The following MRPS5 variants were observed in gnomAD, a reference collection of about 807,000 sequenced individuals.
MRPS5 encodes small ribosomal subunit protein uS5m.
Under a neutral mutation model 51.9 loss-of-function variants are expected in MRPS5, and 27 were observed. That is an observed-to-expected ratio of 0.52 (90% CI 0.38 to 0.72). The LOEUF (loss-of-function observed/expected upper bound fraction) is 0.72, where lower values mean the gene tolerates loss of function less well. MRPS5 is among the 30% of genes least tolerant of loss of function. The pLI, the probability that MRPS5 is intolerant of heterozygous loss-of-function variation, is 0.00. For synonymous variants in MRPS5, 196 were observed against 193.2 expected, an observed-to-expected ratio of 1.01 and a Z score of -0.12; for missense variants, 570 against 545.7, an observed-to-expected ratio of 1.04 and a Z score of -0.44.
At chr2:95,114,561 G>C (rs1205079159) in intron 3 of MRPS5, among the ~76,000 whole-genome samples, 1 of 152,112 alleles carries the variant, frequency 6.6e-6, no homozygotes, top group Non-Finnish European at 1.5e-5. Context: ...ATGAGCCACC[G>C]CGCCCGGCCA....
chr2:95,104,406 T>C, intron 7 of MRPS5: 1 of 544,294 alleles, frequency 1.8e-6, no homozygotes, highest in Non-Finnish European at 3.3e-6. Context: ...TTCAGCCTTT[T>C]ATAATATTCC....
chr2:95,110,186 C>CAGA, intron 3 of MRPS5, 145 bp from the exon 4 acceptor site: 1 of 937,666 alleles, frequency 1.1e-6, no homozygotes, highest in Non-Finnish European at 1.6e-6. Flanking sequence ...ATTAAATCAT[C>CAGA]CTTTGCACAC....
chr2:95,085,836 G>A lies in MRPS5; in HGVS notation c.*1521C>T, dbSNP rs1441261858. Among the ~76,000 whole-genome samples, 3 of 151,996 alleles carry A rather than the reference G, an allele frequency of 2.0e-5. No homozygotes were observed. Among genetic ancestry groups the A allele is most frequent in the Non-Finnish European group, 4.4e-5 (3 of 68,014 alleles). Reference sequence around the variant, plus strand: ...AAGTCACTCATCATAACAAGAACTAGGACATTGTAAACTTGAATGAGAAAA... The same window carrying A: ...AAGTCACTCATCATAACAAGAACTAAGACATTGTAAACTTGAATGAGAAAA... On this transcript the variant is annotated 3_prime_UTR_variant, in exon 12 of 12. Transcript: ENST00000272418.
intron 9 of MRPS5, 26 bp downstream of exon 9, chr2:95,100,808 TAAA>T (rs373760483): frequency 3.0e-5 from 38 of 1,247,210 alleles, no homozygotes; most frequent in Admixed American, 1.4e-4. Context: ...TCCTGCAAAT[TAAA>T]AAAAAAAAAA....
In MRPS5 at chr2:95,108,363, T is replaced by A; in HGVS notation, c.449A>T (p.Lys150Ile). ...GGCAATGGTCTGCACTGCTCCATTTTTCATAAGAGGGACATTCAGTCCGGG... is the reference window on the plus strand; with the variant it reads ...GGCAATGGTCTGCACTGCTCCATTTATCATAAGAGGGACATTCAGTCCGGG... The part of the protein sequence containing the change: ...LWPGLNVPLM[K>I]NGAVQTIAQR... The change falls in exon 5 of 12, where the codon AAA becomes ATA. Residue 150 changes from lysine to isoleucine, a missense_variant. By Grantham distance (102) the Lys-to-Ile change is moderately radical. Transcript: ENST00000272418. 1 of 1,614,198 alleles carries A rather than the reference T, an allele frequency of 6.2e-7. No individual in the cohort carries two copies. Among genetic ancestry groups the A allele is most frequent in the South Asian group, 1.1e-5 (1 of 91,080 alleles).
At chr2:95,116,787 A>C (rs1676295998) in intron 2 of MRPS5, among the ~76,000 whole-genome samples, 1 of 152,242 alleles carries the variant, frequency 6.6e-6, no homozygotes, top group Non-Finnish European at 1.5e-5. Flanking sequence ...ACTTGAGGTC[A>C]GGAGTTTGAG....
intron 7 of MRPS5, chr2:95,101,977 G>A: frequency 2.5e-6 from 1 of 400,244 alleles, no homozygotes; most frequent in Non-Finnish European, 4.5e-6. Context: ...AACACAGCAA[G>A]ACTCTGTCTC....
At chr2:95,111,117 G>GTCT (rs1265070388) in intron 3 of MRPS5, among the ~76,000 whole-genome samples, 1 of 152,130 alleles carries the variant, frequency 6.6e-6, no homozygotes, top group African/African-American at 2.4e-5. Flanking sequence ...TACACAGCTG[G>GTCT]TCTTCGTAAG....
chr2:95,101,529 T>C lies in MRPS5; in HGVS notation c.810+148A>G, dbSNP rs954531040. On this transcript the variant is annotated intron_variant, in intron 8 of 11. Coordinates refer to ENST00000272418, the MANE Select transcript of MRPS5 (RefSeq NM_031902.5). ...AAAGGAATATAAGTACTTCTGAAAC[T>C]GATTTTTATGAGCTAATTAACCCTT... is the stretch of plus-strand genomic sequence containing the variant. 10 of 574,928 alleles carry C rather than the reference T, an allele frequency of 1.7e-5. No individual in the cohort carries two copies. The African/African-American group carries it at 1.9e-4, about 11-fold the overall frequency. The allele number at this position is 574,928 out of a possible 1,614,324, so 35.6% of individuals were successfully genotyped here.
intron 10 of MRPS5, among the ~76,000 whole-genome samples, chr2:95,099,347 A>G (rs1413078450): frequency 1.3e-5 from 2 of 152,202 alleles, no homozygotes; most frequent in Non-Finnish European, 2.9e-5. Flanking sequence ...AGCCATATAT[A>G]TAATTTCAAA....
rs1358104297 is a variant in MRPS5, at chr2:95,086,841, GA to G, written c.*515del. ...ATGTTCAACATCATCAGCCATCAGG[GA>G]AATACAAGTCAAAATTGCAATGGTA... On this transcript the variant is annotated 3_prime_UTR_variant, in exon 12 of 12. Transcript: ENST00000272418. 6.6e-6 allele frequency among the ~76,000 whole-genome samples: 1 copy of G among 152,112 alleles called. No homozygotes were observed. Among genetic ancestry groups the G allele is most frequent in the Admixed American group, 6.6e-5 (1 of 15,260 alleles).
intron 2 of MRPS5, among the ~76,000 whole-genome samples, chr2:95,117,146 GAA>G (rs879591863): frequency 3.1e-5 from 3 of 95,910 alleles, no homozygotes; most frequent in Non-Finnish European, 4.5e-5. Context: ...ATCTCAAAAA[GAA>G]AAAAAAAAAA....
chr2:95,121,747 A>C lies in MRPS5; in HGVS notation c.45T>G (p.Cys15Trp). The C allele has an allele frequency of 6.4e-7, 1 of 1,552,852 alleles. No individual in the cohort carries two copies. Among genetic ancestry groups the C allele is most frequent in the South Asian group, 1.2e-5 (1 of 85,106 alleles). The change falls in exon 1 of 12, where the codon TGT becomes TGG. Residue 15 changes from cysteine to tryptophan, a missense_variant. By Grantham distance (215) the Cys-to-Trp change is radical (BLOSUM62 -2). Coordinates refer to ENST00000272418, the MANE Select transcript of MRPS5 (RefSeq NM_031902.5). ...VRAVGCLPVL[C>W]SGTAGHLLGR... ...CCCAGCTCTCACCTGCCGTCCCGCTACACAGCACGGGGAGGCAGCCCACAG... is the reference window on the plus strand; with the variant it reads ...CCCAGCTCTCACCTGCCGTCCCGCTCCACAGCACGGGGAGGCAGCCCACAG...
intron 3 of MRPS5, among the ~76,000 whole-genome samples, chr2:95,113,369 A>G (rs2104424787): frequency 6.6e-6 from 1 of 151,268 alleles, no homozygotes; most frequent in East Asian, 2.0e-4. Context: ...CCAGCTACTC[A>G]AGAGGCTGAG....
At chr2:95,117,824 T>C (rs1455225136) in intron 2 of MRPS5, 41 bp downstream of exon 2, 1 of 1,467,570 alleles carries the variant, frequency 6.8e-7, no homozygotes, top group Admixed American at 2.1e-5. Context: ...ACTTTGACAT[T>C]AGATCTTATG....
intron 10 of MRPS5, among the ~76,000 whole-genome samples, chr2:95,096,017 C>T (rs1332797424): frequency 6.6e-6 from 1 of 152,078 alleles, no homozygotes; most frequent in Non-Finnish European, 1.5e-5. Flanking sequence ...CCACCAATCC[C>T]ACAGAAATAC....
intron 11 of MRPS5, among the ~76,000 whole-genome samples, chr2:95,090,176 CAAAAAA>C (rs35901146): frequency 1.6e-4 from 7 of 43,544 alleles, no homozygotes; most frequent in Admixed American, 1.5e-3. Context: ...GACTCCGTCT[CAAAAAA>C]AAAAAAAAAA....
intron 5 of MRPS5, among the ~76,000 whole-genome samples, chr2:95,107,126 A>T (rs748921835): frequency 3.9e-5 from 6 of 152,260 alleles, no homozygotes; most frequent in Non-Finnish European, 7.3e-5. Flanking sequence ...GAACAGCAGA[A>T]AGCTTATGTA....
chr2:95,098,551 G>C (rs376973842), intron 10 of MRPS5, among the ~76,000 whole-genome samples: 50 of 151,728 alleles, frequency 3.3e-4, no homozygotes, highest in East Asian at 2.3e-3. Context: ...GGGACATGAA[G>C]CTGGAAACCA....
Sources: allele counts gnomAD v4.1 joint callset (sites outside exome capture counted in the v4.1 genomes callset), GRCh38; gene constraint gnomAD v4.1.1; transcripts MANE v1.5; gene names NCBI Gene and HGNC (gene_info 2026-07-23, HGNC 2026-07-21).